The following BLZF1 variants were observed in gnomAD, a reference collection of about 807,000 sequenced individuals.
The protein encoded by BLZF1 is basic leucine zipper nuclear factor 1, also known as golgin-45.
Under a neutral mutation model 43.8 loss-of-function variants are expected in BLZF1, and 39 were observed. The observed-to-expected ratio is 0.89, with a 90% CI of 0.69 to 1.16. BLZF1 has a LOEUF of 1.16. BLZF1 is among the 50% of genes most tolerant of loss of function. The pLI is 0.00. For synonymous variants in BLZF1, 136 were observed against 159.4 expected, an observed-to-expected ratio of 0.85 and a Z score of 1.11; for missense variants, 449 against 469.8, an observed-to-expected ratio of 0.96 and a Z score of 0.41.
At chr1:169,384,473 C>T (rs976594744) in intron 6 of BLZF1, among the ~76,000 whole-genome samples, 7 of 152,114 alleles carry the variant, frequency 4.6e-5, no homozygotes, top group African/African-American at 1.7e-4. Context: ...TCCCAGTCTC[C>T]CTCATTATTG....
intron 4 of BLZF1, among the ~76,000 whole-genome samples, chr1:169,379,156 C>T (rs893879865): frequency 4.0e-5 from 6 of 151,682 alleles, no homozygotes; most frequent in Non-Finnish European, 8.8e-5. Context: ...GGATGTTATC[C>T]ATCTGTGTAT....
rs537039589 is a variant in BLZF1, at chr1:169,383,887, C to T, written c.1017+1606C>T. On this transcript the variant is annotated intron_variant, in intron 6 of 6. Transcript: ENST00000367808. The stretch of plus-strand genomic sequence containing the variant: ...GAGGGGCATCCTCTTCCTGTGACCC[C>T]TCTTGAGCTTTCTTTACATAACATA... Among the ~76,000 whole-genome samples the T allele has an allele frequency of 5.3e-5, 8 of 152,202 alleles. No individual in the cohort carries two copies. In the South Asian group the frequency reaches 1.5e-3, roughly 28 times the overall value.
At chr1:169,377,779 T>G (rs1654405613) in intron 3 of BLZF1, among the ~76,000 whole-genome samples, 1 of 152,022 alleles carries the variant, frequency 6.6e-6, no homozygotes, top group African/African-American at 2.4e-5. Context: ...TATTACAGTG[T>G]CATTGTTAAT....
Position 169,378,374 on chromosome 1 carries a change from T to C in BLZF1, c.513T>C (p.Asp171=). Residue 171 remains aspartate (D), a synonymous_variant, in exon 4 of 7, where the codon GAT becomes GAC. Coordinates refer to ENST00000367808, the MANE Select transcript of BLZF1 (RefSeq NM_001320973.2). ...AGTTACTGGTGGCTTCTGTTGGGGA[T>C]GATCTTCAGTATCACTTTGAACGTC... ...LKKLLVASVG[D]DLQYHFERLA... 1.2e-6 allele frequency: 2 copies of C among 1,612,968 alleles called. No homozygotes were observed. The highest frequency in any genetic ancestry group is 1.7e-6 in the Non-Finnish European group (2 of 1,179,150).
intron 6 of BLZF1, among the ~76,000 whole-genome samples, chr1:169,385,774 T>C (rs1654648420): frequency 1.3e-5 from 2 of 152,106 alleles, no homozygotes; most frequent in Non-Finnish European, 2.9e-5. Flanking sequence ...AGGACATTCT[T>C]AGAGTAGTGA....
chr1:169,393,788 G>A (rs1322147259), intron 7 of BLZF1, among the ~76,000 whole-genome samples: 1 of 151,998 alleles, frequency 6.6e-6, no homozygotes. Flanking sequence ...TTTTAGTAGA[G>A]ACGGGGTTTC....
chr1:169,378,562 T>A lies in BLZF1; in HGVS notation c.668+33T>A, dbSNP rs183843386. The A allele has an allele frequency of 3.3e-4, 526 of 1,598,698 alleles. 4 individuals carry two copies. The highest frequency in any genetic ancestry group is 1.8e-5 in the Non-Finnish European group (21 of 1,168,204). Reference sequence around the variant, plus strand: ...CTACAGCAAATAGTATTTCACTTCCTAGTTTTTGCTCCATCAGGTTTTTGA... The same window carrying A: ...CTACAGCAAATAGTATTTCACTTCCAAGTTTTTGCTCCATCAGGTTTTTGA... On this transcript the variant is annotated intron_variant, in intron 4 of 6. Coordinates refer to ENST00000367808, the MANE Select transcript of BLZF1 (RefSeq NM_001320973.2).
chr1:169,379,566 C>T (rs1297951064), intron 4 of BLZF1, among the ~76,000 whole-genome samples: 1 of 151,938 alleles, frequency 6.6e-6, no homozygotes, highest in Non-Finnish European at 1.5e-5. Context: ...AGTAACATTT[C>T]ATTAGATTTT....
At chr1:169,371,851 T>G (rs1344573628) in intron 2 of BLZF1, among the ~76,000 whole-genome samples, 2 of 152,220 alleles carry the variant, frequency 1.3e-5, no homozygotes, top group African/African-American at 4.8e-5. Flanking sequence ...TAAATATTTT[T>G]GATTCCATAA....
intron 4 of BLZF1, among the ~76,000 whole-genome samples, chr1:169,380,054 CTT>C (rs1190408762): frequency 4.0e-5 from 6 of 151,794 alleles, no homozygotes; most frequent in East Asian, 3.9e-4. Context: ...TGACAAAAGA[CTT>C]TATATAAATC....
At chr1:169,390,639 T>C (rs1654794427), downstream of BLZF1, among the ~76,000 whole-genome samples, 1 of 152,072 alleles carries the variant, frequency 6.6e-6, no homozygotes, top group Non-Finnish European at 1.5e-5. Context: ...AAAGAGGTTT[T>C]CAAAAAGGGA....
In BLZF1 at chr1:169,380,524, C is replaced by T. The variant is rs368872376; in HGVS notation, c.712C>T (p.Arg238Cys). The change falls in exon 5 of 7, where the codon CGT (arginine) becomes TGT (cysteine). Residue 238 changes from arginine (R) to cysteine (C), a missense_variant. Transcript: ENST00000367808. ...ELTNSRAALQ[R>C]QNRDAHGAIQ... ...AACCAACTCAAGAGCAGCTTTACAG[C>T]GTCAAAACCGTGATGCACACGGGGC... is the stretch of plus-strand genomic sequence containing the variant. 14 of 1,612,372 alleles carry T rather than the reference C, an allele frequency of 8.7e-6. No homozygotes were observed. The highest frequency in any genetic ancestry group is 6.7e-5 in the African/African-American group (5 of 74,802).
chr1:169,375,539 T>C (rs980424596), intron 2 of BLZF1, among the ~76,000 whole-genome samples: 8 of 149,720 alleles, frequency 5.3e-5, no homozygotes, highest in African/African-American at 2.0e-4. Context: ...TTATACCACT[T>C]ACCTGCACAC....
chr1:169,376,886 G>A lies in BLZF1; in HGVS notation c.375G>A (p.Glu125=), dbSNP rs764920388. The A allele has an allele frequency of 1.2e-6, 2 of 1,613,184 alleles. No homozygotes were observed. The highest frequency in any genetic ancestry group is 1.7e-6 in the Non-Finnish European group (2 of 1,179,514). Residue 125 remains glutamate (E), a synonymous_variant, in exon 3 of 7, where the codon GAG becomes GAA. Transcript: ENST00000367808. ...TAGAACCTAATAAGGAACTCTCAGA[G>A]GTAAAGAATGTATTGGAAAAGCTCA... ...GVIEPNKELS[E]VKNVLEKLKN...
intron 6 of BLZF1, among the ~76,000 whole-genome samples, chr1:169,385,817 G>GA (rs915855416): frequency 5.3e-5 from 8 of 149,644 alleles, no homozygotes; most frequent in East Asian, 1.9e-4. Flanking sequence ...ACTTAGAAGG[G>GA]AAAAAAAAAA....
At chr1:169,371,809 ATAG>A (rs1271380378) in intron 2 of BLZF1, among the ~76,000 whole-genome samples, 1 of 152,224 alleles carries the variant, frequency 6.6e-6, no homozygotes, top group East Asian at 1.9e-4. Flanking sequence ...TAGTTTAGTA[ATAG>A]TAGACCAAAT....
At chr1:169,369,647 G>A (rs1654039524) in intron 2 of BLZF1, 97 bp downstream of exon 2, 1 of 818,962 alleles carries the variant, frequency 1.2e-6, no homozygotes, top group Non-Finnish European at 2.0e-6. Context: ...GACCCCCTTG[G>A]GAATCATTTG....
At chr1:169,396,451 G>T (rs1655041430) in exon 8 of BLZF1, 2 of 152,376 alleles carry the variant, frequency 1.3e-5, no homozygotes, top group South Asian at 4.2e-4. Flanking sequence ...AGCTACTTGG[G>T]AGGCTGAGGT....
intron 1 of BLZF1, among the ~76,000 whole-genome samples, chr1:169,368,919 A>G (rs1415645770): frequency 2.6e-5 from 4 of 152,166 alleles, no homozygotes; most frequent in Admixed American, 6.5e-5. Flanking sequence ...AAGACAATGT[A>G]TACATTTCTG....
Sources: allele counts gnomAD v4.1 joint callset (sites outside exome capture counted in the v4.1 genomes callset), GRCh38; gene constraint gnomAD v4.1.1; transcripts MANE v1.5; gene names NCBI Gene and HGNC (gene_info 2026-07-23, HGNC 2026-07-21).